The following EPCIP variants were observed in gnomAD, a reference collection of about 807,000 sequenced individuals.
EPCIP encodes exosomal polycystin-1-interacting protein.
chr21:32,805,150 T>C, the EPCIP span, among the ~76,000 whole-genome samples: 5 of 152,074 alleles, frequency 3.3e-5, no homozygotes, highest in South Asian at 6.2e-4. Context: ...GAAGCAGAGA[T>C]TGGAGCAATG....
the EPCIP span, among the ~76,000 whole-genome samples, chr21:32,811,902 T>C: frequency 1.3e-5 from 2 of 152,238 alleles, no homozygotes; most frequent in African/African-American, 4.8e-5. Flanking sequence ...GTCTCTCTTA[T>C]GTGTGTGCAC....
chr21:32,805,137 A>C, the EPCIP span, among the ~76,000 whole-genome samples: 3 of 152,244 alleles, frequency 2.0e-5, no homozygotes, highest in Non-Finnish European at 4.4e-5. Context: ...CAATATGACA[A>C]CTGAAGCAGA....
At chr21:32,792,546 G>T in the EPCIP span, among the ~76,000 whole-genome samples, 1 of 152,178 alleles carries the variant, frequency 6.6e-6, no homozygotes, top group Admixed American at 6.5e-5. Context: ...GTAGGAGAAA[G>T]AAGATGAAAA....
chr21:32,799,970 T>A, the EPCIP span, among the ~76,000 whole-genome samples: 1 of 152,338 alleles, frequency 6.6e-6, no homozygotes, highest in Admixed American at 6.5e-5. Context: ...AAACCACTTT[T>A]GATTTCAAAT....
the EPCIP span, among the ~76,000 whole-genome samples, chr21:32,808,714 A>T: frequency 5.3e-5 from 8 of 152,334 alleles, no homozygotes; most frequent in South Asian, 1.7e-3. Flanking sequence ...TAATGTTTGG[A>T]CTTTATTTTA....
At chr21:32,808,078 T>C in the EPCIP span, among the ~76,000 whole-genome samples, 1 of 152,238 alleles carries the variant, frequency 6.6e-6, no homozygotes, top group Admixed American at 6.5e-5. Flanking sequence ...GTCTCACAGA[T>C]ATTTGTGAGC....
chr21:32,792,234 A>G, the EPCIP span, among the ~76,000 whole-genome samples: 73 of 152,292 alleles, frequency 4.8e-4, no homozygotes, highest in Middle Eastern at 0.014. Flanking sequence ...TTCTTTGTAC[A>G]ATAATGAATC....
chr21:32,809,187 G>GTGTGTC, the EPCIP span, among the ~76,000 whole-genome samples: 1 of 137,328 alleles, frequency 7.3e-6, no homozygotes, highest in Non-Finnish European at 1.5e-5. Flanking sequence ...GGGTGCGTGT[G>GTGTGTC]TGTGTGTGTG....
chr21:32,809,186 T>C, the EPCIP span, among the ~76,000 whole-genome samples: 5 of 136,630 alleles, frequency 3.7e-5, no homozygotes, highest in African/African-American at 6.1e-5. Flanking sequence ...GGGGTGCGTG[T>C]GTGTGTGTGT....
At chr21:32,797,779 A>T in the EPCIP span, 1 of 152,234 alleles carries the variant, frequency 6.6e-6, no homozygotes, top group East Asian at 1.9e-4. Context: ...GTAAAAAAAA[A>T]TAAAAAAATA....
chr21:32,793,715 T>C, the EPCIP span: 2 of 1,555,830 alleles, frequency 1.3e-6, no homozygotes, highest in South Asian at 1.1e-5. Flanking sequence ...TTCTGCAAAT[T>C]ATTCATCATT....
At chr21:32,798,569 T>C in the EPCIP span, 1 of 152,392 alleles carries the variant, frequency 6.6e-6, no homozygotes, top group East Asian at 1.9e-4. Flanking sequence ...AGCTGTGATT[T>C]CACTGGGCTT....
At chr21:32,800,115 T>C in the EPCIP span, among the ~76,000 whole-genome samples, 18 of 152,252 alleles carry the variant, frequency 1.2e-4, no homozygotes, top group Admixed American at 6.5e-4. Context: ...CAGAACATCA[T>C]TATTTATGAC....
chr21:32,806,425 C>T, the EPCIP span, among the ~76,000 whole-genome samples: 5 of 152,136 alleles, frequency 3.3e-5, no homozygotes, highest in East Asian at 5.8e-4. Context: ...GACCATTGTG[C>T]GCATAGGCAA....
the EPCIP span, among the ~76,000 whole-genome samples, chr21:32,811,976 C>T: frequency 3.9e-5 from 6 of 152,230 alleles, no homozygotes; most frequent in East Asian, 1.2e-3. Flanking sequence ...TTGCCAGATG[C>T]AGGCCCCTTG....
At chr21:32,797,008 G>A in the EPCIP span, 596 of 323,534 alleles carry the variant, frequency 1.8e-3, 3 homozygotes, top group African/African-American at 0.034. Context: ...ATTGGTTTGC[G>A]GAACATGTGG....
the EPCIP span, chr21:32,807,602 G>A: frequency 6.6e-6 from 1 of 152,304 alleles, no homozygotes; most frequent in African/African-American, 2.4e-5. Flanking sequence ...TGGGATTACA[G>A]GCGTGAGCCA....
At chr21:32,809,674 T>A in the EPCIP span, among the ~76,000 whole-genome samples, 43 of 152,116 alleles carry the variant, frequency 2.8e-4, no homozygotes, top group Non-Finnish European at 5.4e-4. Context: ...CATTGTGTTT[T>A]CTTATTCTCC....
the EPCIP span, chr21:32,798,801 C>CA: frequency 2.6e-5 from 4 of 151,880 alleles, no homozygotes; most frequent in African/African-American, 9.7e-5. Context: ...CTGTCTCTAC[C>CA]AAAAATACAA....
Sources: allele counts gnomAD v4.1 joint callset (sites outside exome capture counted in the v4.1 genomes callset), GRCh38; gene constraint gnomAD v4.1.1; transcripts MANE v1.5; gene names NCBI Gene and HGNC (gene_info 2026-07-23, HGNC 2026-07-21).